The following GJB7 variants were observed in gnomAD, a reference collection of about 807,000 sequenced individuals.
GJB7 encodes the protein gap junction beta-7 protein.
For synonymous variants in GJB7, 87 were observed against 95.2 expected (o/e 0.91, Z 0.50); for missense variants, 253 against 256.8 (o/e 0.99, Z 0.10).
chr6:87,296,923 A>C (rs2127901133), intron 2 of GJB7, among the ~76,000 whole-genome samples: 1 of 152,350 alleles, frequency 6.6e-6, no homozygotes, highest in South Asian at 2.1e-4. Context: ...TAATATTTAA[A>C]TACAAGGTAG....
At position 87,309,760 on chromosome 6, in the gene GJB7, C is replaced by T. The variant is rs150743487; in HGVS notation, c.-28+13106G>A. 8.2e-3 allele frequency among the ~76,000 whole-genome samples: 1,256 copies of T among 152,278 alleles called. 25 individuals carry two copies. Among genetic ancestry groups the T allele is most frequent in the African/African-American group, 0.028 (1,146 of 41,558 alleles). ...GACAGTGAATCCCTGCATCCACCCTCTAGAAAGTATCCTTTCTATAGGAAG... is the reference window on the plus strand; with the variant it reads ...GACAGTGAATCCCTGCATCCACCCTTTAGAAAGTATCCTTTCTATAGGAAG... On this transcript the variant is annotated intron_variant, in intron 2 of 2. Transcript: ENST00000525899.
intron 2 of GJB7, among the ~76,000 whole-genome samples, chr6:87,302,410 C>G (rs1298379185): frequency 6.6e-6 from 1 of 152,142 alleles, no homozygotes; most frequent in East Asian, 1.9e-4. Context: ...ATTCCATCAA[C>G]TGGAAGAAAG....
rs1776709519 is a variant in GJB7 at position 87,323,028 on chromosome 6, T to C, written c.-190A>G. On this transcript the variant is annotated 5_prime_UTR_variant, in exon 2 of 3. Transcript: ENST00000525899. ...TTTTCTTTTGTCATAGTGCGGACAC[T>C]CGTGCTTTTTCAGCCCTGCAACACA... The C allele has an allele frequency of 6.6e-6, 1 of 151,240 alleles. No homozygotes were observed. Among genetic ancestry groups the C allele is most frequent in the East Asian group, 1.9e-4 (1 of 5,192 alleles). 9.4% of individuals were successfully genotyped at this position (151,240 alleles called of 1,614,324 possible).
rs1255037228 is a variant in GJB7, at chr6:87,329,217, G to C, written c.-285C>G. Reference sequence around the variant, plus strand: ...AATGCAGAAATCACCCATCTTCTGCGTTGCTCACTCTGGGAGCTGTAGACC... The same window carrying C: ...AATGCAGAAATCACCCATCTTCTGCCTTGCTCACTCTGGGAGCTGTAGACC... On this transcript the variant is annotated 5_prime_UTR_variant, in exon 1 of 3. Coordinates refer to ENST00000525899, the MANE Select transcript of GJB7 (RefSeq NM_198568.3). 6.5e-6 allele frequency: 1 copy of C among 154,676 alleles called. No individual in the cohort carries two copies. 9.6% of individuals were successfully genotyped at this position (154,676 alleles called of 1,614,324 possible).
chr6:87,291,949 G>A (rs1379659144), intron 2 of GJB7: 1 of 152,142 alleles, frequency 6.6e-6, no homozygotes, highest in East Asian at 1.9e-4. Flanking sequence ...ACACAGATGT[G>A]GAGATTAATA....
At chr6:87,305,752 C>T (rs1296303655) in intron 2 of GJB7, among the ~76,000 whole-genome samples, 1 of 152,310 alleles carries the variant, frequency 6.6e-6, no homozygotes, top group Non-Finnish European at 1.5e-5. Context: ...AAGCTGGAGG[C>T]ATCACACTAC....
intron 2 of GJB7, among the ~76,000 whole-genome samples, chr6:87,306,106 C>G (rs1434405139): frequency 6.6e-6 from 1 of 151,900 alleles, no homozygotes; most frequent in Non-Finnish European, 1.5e-5. Context: ...CCATTCAGGA[C>G]ATAGGCATGG....
At chr6:87,307,828 A>G (rs536184081) in intron 2 of GJB7, among the ~76,000 whole-genome samples, 26 of 152,304 alleles carry the variant, frequency 1.7e-4, no homozygotes, top group African/African-American at 6.3e-4. Context: ...CGATTCCTCA[A>G]GGATCTAGAA....
At chr6:87,298,814 C>T in intron 2 of GJB7, 1 of 308,672 alleles carries the variant, frequency 3.2e-6, no homozygotes, top group Admixed American at 3.8e-5. Context: ...GACCGGTGTC[C>T]AGGGTACTAG....
Position 87,326,539 on chromosome 6 carries a change from A to C in GJB7, c.-206+2599T>G, listed in dbSNP as rs539203969. Among the ~76,000 whole-genome samples, 5 of 151,492 alleles carry C rather than the reference A, an allele frequency of 3.3e-5. No homozygotes were observed. The South Asian group carries it at 8.4e-4, about 26-fold the overall frequency. ...TTCGTTATGTACCCAGTAGTCATTC[A>C]GGAGCAGGTTGTTCAGTTTCCATGT... is the stretch of plus-strand genomic sequence containing the variant. On this transcript the variant is annotated intron_variant, in intron 1 of 2. Coordinates refer to ENST00000525899, the MANE Select transcript of GJB7 (RefSeq NM_198568.3).
chr6:87,327,483 G>C (rs1192369426), intron 1 of GJB7, among the ~76,000 whole-genome samples: 6 of 151,562 alleles, frequency 4.0e-5, no homozygotes, highest in African/African-American at 7.3e-5. Context: ...TTGCTTGTCT[G>C]TAAAGTATTT....
chr6:87,306,311 G>A (rs1229797050), intron 2 of GJB7, among the ~76,000 whole-genome samples: 1 of 151,884 alleles, frequency 6.6e-6, no homozygotes, highest in Non-Finnish European at 1.5e-5. Context: ...AATCTACAAT[G>A]AACTCCAACA....
At chr6:87,293,125 G>A (rs996512419) in intron 2 of GJB7, among the ~76,000 whole-genome samples, 1 of 152,200 alleles carries the variant, frequency 6.6e-6, no homozygotes, top group Non-Finnish European at 1.5e-5. Context: ...TCCCCTTCGC[G>A]GGTTCAAGCA....
intron 2 of GJB7, among the ~76,000 whole-genome samples, chr6:87,287,597 G>A (rs73485851): frequency 0.024 from 3,679 of 152,210 alleles, 138 homozygotes; most frequent in African/African-American, 0.078. Context: ...TAAGCCTACC[G>A]GAAAGGTTAA....
At chr6:87,303,481 C>T (rs1387789127) in intron 2 of GJB7, among the ~76,000 whole-genome samples, 1 of 152,164 alleles carries the variant, frequency 6.6e-6, no homozygotes, top group African/African-American at 2.4e-5. Context: ...AGCTAACTAT[C>T]CTAAATATAT....
At chr6:87,327,132 C>A (rs940935925) in intron 1 of GJB7, among the ~76,000 whole-genome samples, 2 of 151,540 alleles carry the variant, frequency 1.3e-5, no homozygotes, top group Non-Finnish European at 2.9e-5. Context: ...AGATGTTCCT[C>A]CATCCTTTTA....
chr6:87,309,521 C>T (rs992933565), intron 2 of GJB7, among the ~76,000 whole-genome samples: 2 of 152,220 alleles, frequency 1.3e-5, no homozygotes, highest in African/African-American at 2.4e-5. Flanking sequence ...CAGACCCACA[C>T]ATACACAGTC....
At chr6:87,303,813 G>A (rs446274) in intron 2 of GJB7, among the ~76,000 whole-genome samples, 95,271 of 152,022 alleles carry the variant, frequency 0.63, 30,322 homozygotes, top group African/African-American at 0.71. Flanking sequence ...AATAGAAATT[G>A]TAACAAACTG....
chr6:87,300,756 ACTATT>A (rs1311916658), intron 2 of GJB7, among the ~76,000 whole-genome samples: 3 of 152,238 alleles, frequency 2.0e-5, no homozygotes, highest in Non-Finnish European at 4.4e-5. Context: ...TATTTTTACT[ACTATT>A]CTATAAGTCA....
Sources: allele counts gnomAD v4.1 joint callset (sites outside exome capture counted in the v4.1 genomes callset), GRCh38; gene constraint gnomAD v4.1.1; transcripts MANE v1.5; gene names NCBI Gene and HGNC (gene_info 2026-07-23, HGNC 2026-07-21).